The following MON2 variants were observed in gnomAD, a reference collection of about 807,000 sequenced individuals.
The protein encoded by MON2 is MON2 regulator of endosome-to-Golgi trafficking.
In MON2, 84 loss-of-function variants were observed where a neutral mutation model predicts 208.6. The observed-to-expected ratio is 0.40, with a 90% CI of 0.34 to 0.48. The LOEUF (loss-of-function observed/expected upper bound fraction) is 0.48, where lower values mean the gene tolerates loss of function less well. Among genes scored for constraint, MON2 ranks in the 20% least tolerant of loss-of-function variants. The pLI is 0.59. For missense variants in MON2, 1,611 were observed against 2,015.4 expected, an observed-to-expected ratio of 0.80 and a Z score of 3.84; for synonymous variants, 660 against 694.0, an observed-to-expected ratio of 0.95 and a Z score of 0.77.
rs549344472 is a variant in MON2, at chr12:62,553,952, G to A, written c.3210+778G>A. Among the ~76,000 whole-genome samples, 38 of 152,250 alleles carry A rather than the reference G, an allele frequency of 2.5e-4. 1 individual carries two copies. In the South Asian group the frequency reaches 3.7e-3, roughly 15 times the overall value. On this transcript the variant is annotated intron_variant, in intron 24 of 34. Coordinates refer to ENST00000393630, the MANE Select transcript of MON2 (RefSeq NM_015026.3). ...TAATCCCAGTACTTTAGGAGGCTGA[G>A]GCAGCAGGATCACCTGAGGTCAGGG...
At chr12:62,490,991 C>A (rs1332397771) in intron 2 of MON2, among the ~76,000 whole-genome samples, 3 of 152,010 alleles carry the variant, frequency 2.0e-5, no homozygotes, top group Non-Finnish European at 4.4e-5. Flanking sequence ...ATGCATCTTG[C>A]AGTTGATGGC....
At chr12:62,524,232 T>TTATC (rs1268228369) in intron 8 of MON2, among the ~76,000 whole-genome samples, 1 of 152,174 alleles carries the variant, frequency 6.6e-6, no homozygotes, top group Non-Finnish European at 1.5e-5. Context: ...CATGATGGTA[T>TTATC]TATCTGCTTT....
chr12:62,593,056 G>C lies in MON2; in HGVS notation c.*307G>C, dbSNP rs1247397238. The stretch of plus-strand genomic sequence containing the variant: ...AAAGTGAGCTTATGTACAGTTTGTG[G>C]TGTATGTGTTAATGATGTACTTTTT... On this transcript the variant is annotated 3_prime_UTR_variant, in exon 35 of 35. Transcript: ENST00000393630. The C allele has an allele frequency of 4.9e-6, 1 of 204,544 alleles. No homozygotes were observed. Among genetic ancestry groups the C allele is most frequent in the Non-Finnish European group, 9.9e-6 (1 of 101,302 alleles). 12.7% of individuals were successfully genotyped at this position (204,544 alleles called of 1,614,324 possible). A position where few individuals can be genotyped will look rare whatever the true frequency, so the allele number is the denominator to read the frequency against.
intron 7 of MON2, 49 bp from the exon 8 acceptor site, chr12:62,508,237 G>A (rs549276653): frequency 6.9e-7 from 1 of 1,457,790 alleles, no homozygotes; most frequent in South Asian, 1.2e-5. Flanking sequence ...GAAGTATTAA[G>A]TACAAATAAA....
intron 1 of MON2, among the ~76,000 whole-genome samples, chr12:62,471,870 G>A (rs1304257817): frequency 1.3e-5 from 2 of 152,170 alleles, no homozygotes; most frequent in Non-Finnish European, 2.9e-5. Context: ...GACAGAGGAA[G>A]GACAAAGGAA....
intron 33 of MON2, 24 bp from the exon 34 acceptor site, chr12:62,588,050 A>G: frequency 1.4e-6 from 2 of 1,460,432 alleles, no homozygotes; most frequent in South Asian, 1.2e-5. Context: ...TCTTAATGGA[A>G]ATGATTTCCT....
intron 27 of MON2, 170 bp from the exon 28 acceptor site, chr12:62,565,844 G>A (rs911260490): frequency 7.1e-6 from 4 of 560,638 alleles, no homozygotes; most frequent in East Asian, 3.0e-5. Context: ...TATTTTTATA[G>A]CCATAGTTGG....
chr12:62,538,069 T>C, intron 16 of MON2, 27 bp from the exon 17 acceptor site: 1 of 652,008 alleles, frequency 1.5e-6, no homozygotes, highest in South Asian at 2.7e-5. Flanking sequence ...TAAAGTTATT[T>C]GTTTTGATTT....
chr12:62,497,378 C>G (rs1038081819), intron 4 of MON2, among the ~76,000 whole-genome samples: 2 of 152,042 alleles, frequency 1.3e-5, no homozygotes, highest in Non-Finnish European at 2.9e-5. Context: ...TCAACAGACA[C>G]TTCATTAAAA....
chr12:62,477,957 AG>A (rs2069186586), intron 1 of MON2, among the ~76,000 whole-genome samples: 1 of 152,238 alleles, frequency 6.6e-6, no homozygotes, highest in South Asian at 2.1e-4. Flanking sequence ...CTCATGGAAC[AG>A]GGCAGAACCA....
In MON2 at chr12:62,485,568, TA is replaced by T. The variant is rs1262014818; in HGVS notation, c.175+1336del. On this transcript the variant is annotated intron_variant, in intron 2 of 34. Transcript: ENST00000393630. ...TGAACAGTCTTATCAAAACACCCAA[TA>T]GTTTTATAACATTATGCACAGAAGT... Among the ~76,000 whole-genome samples, 4 of 149,678 alleles carry T rather than the reference TA, an allele frequency of 2.7e-5. No homozygotes were observed. The East Asian group carries it at 7.7e-4, about 29-fold the overall frequency.
intron 14 of MON2, among the ~76,000 whole-genome samples, chr12:62,536,440 G>A (rs1241851176): frequency 1.3e-5 from 2 of 152,098 alleles, no homozygotes; most frequent in African/African-American, 4.8e-5. Flanking sequence ...CTGGGCTAAA[G>A]CAGTCCGGCC....
chr12:62,470,672 A>G, intron 1 of MON2: 2 of 1,055,894 alleles, frequency 1.9e-6, no homozygotes, highest in South Asian at 2.2e-5. Flanking sequence ...TTCATGAATA[A>G]AAACTTTCTT....
intron 2 of MON2, chr12:62,489,906 G>T (rs2070021037): frequency 1.1e-5 from 4 of 365,336 alleles, no homozygotes; most frequent in Non-Finnish European, 1.8e-5. Context: ...TAATGTCTAA[G>T]TCACATTTTC....
chr12:62,501,748 A>C, intron 7 of MON2, 50 bp downstream of exon 7: 1 of 1,600,044 alleles, frequency 6.2e-7, no homozygotes, highest in South Asian at 1.1e-5. Flanking sequence ...ATTGTTTTAC[A>C]GATATTTTTA....
At chr12:62,532,864 C>T (rs953541108) in intron 12 of MON2, among the ~76,000 whole-genome samples, 194 bp downstream of exon 12, 12 of 152,108 alleles carry the variant, frequency 7.9e-5, no homozygotes, top group African/African-American at 2.2e-4. Flanking sequence ...AAGTTGCAGA[C>T]ATGATGCCGT....
intron 22 of MON2, among the ~76,000 whole-genome samples, chr12:62,548,766 G>A (rs2073610544): frequency 6.6e-6 from 1 of 152,050 alleles, no homozygotes; most frequent in Non-Finnish European, 1.5e-5. Flanking sequence ...CAGAGTATTA[G>A]CAATTATACT....
intron 8 of MON2, among the ~76,000 whole-genome samples, chr12:62,522,337 A>T (rs2072088933): frequency 6.6e-6 from 1 of 152,178 alleles, no homozygotes; most frequent in African/African-American, 2.4e-5. Context: ...TCACTACCAA[A>T]TCTATTAGCT....
At position 62,508,486 on chromosome 12, in the gene MON2, T is replaced by C; in HGVS notation, c.984+6T>C. 1 of 1,611,604 alleles carries C rather than the reference T, an allele frequency of 6.2e-7. No homozygotes were observed. Among genetic ancestry groups the C allele is most frequent in the Non-Finnish European group, 8.5e-7 (1 of 1,177,740 alleles). ...AGCAGTTTTACAGTCTTTTGGTAAG[T>C]GCTAATTTCCTTATGTATTTGTGTA... On this transcript the variant is annotated splice_donor_region_variant and intron_variant, in intron 8 of 34. Coordinates refer to ENST00000393630, the MANE Select transcript of MON2 (RefSeq NM_015026.3).
Sources: gnomAD v4.1 joint callset for allele counts (sites outside exome capture counted in the v4.1 genomes callset) on GRCh38, gnomAD v4.1.1 for gene constraint, MANE v1.5 for transcripts, NCBI Gene and HGNC (gene_info 2026-07-23, HGNC 2026-07-21) for gene names.